ADPRS: variants seen among roughly 807,000 people sequenced by gnomAD.
ADPRS encodes the protein ADP-ribosylhydrolase ARH3.
A neutral mutation model predicts 32.1 loss-of-function variants in ADPRS; 25 were observed. That is an observed-to-expected ratio of 0.78 (90% CI 0.57 to 1.09). ADPRS has a LOEUF of 1.09. Ranked by LOEUF, ADPRS falls within the 50% of genes least tolerant of loss-of-function variation. The probability of loss-of-function intolerance (pLI) is 0.00; values close to 1 mark genes in which losing one functional copy is unlikely to be tolerated. For missense variants in ADPRS, 482 were observed against 480.6 expected, an observed-to-expected ratio of 1.00 and a Z score of -0.03; for synonymous variants, 225 against 201.0, an observed-to-expected ratio of 1.12 and a Z score of -1.01.
chr1:36,089,325 C>T (rs996693292), intron 1 of ADPRS, among the ~76,000 whole-genome samples: 1 of 152,192 alleles, frequency 6.6e-6, no homozygotes, highest in South Asian at 2.1e-4. Context: ...ATCCCGTGCT[C>T]GGGGCGTGGC....
chr1:36,093,825 C>T lies in ADPRS; in HGVS notation c.*439C>T, dbSNP rs1463453552. On this transcript the variant is annotated 3_prime_UTR_variant, in exon 6 of 6. Transcript: ENST00000373178. ...GCAGCAGGTTGTGTGGATGAAGGGA[C>T]AGGCACTTGCATCCAGCTGATCTAG... is the stretch of plus-strand genomic sequence containing the variant. 1.2e-5 allele frequency: 2 copies of T among 168,096 alleles called. No homozygotes were observed. The highest frequency in any genetic ancestry group is 5.7e-5 in the Admixed American group (1 of 17,660). The allele number at this position is 168,096 out of a possible 1,614,324, so 10.4% of individuals were successfully genotyped here.
chr1:36,093,120 T>G lies in ADPRS; in HGVS notation c.826T>G (p.Ser276Ala). 2 of 1,614,066 alleles carry G rather than the reference T, an allele frequency of 1.2e-6. No homozygotes were observed. Among genetic ancestry groups the G allele is most frequent in the Non-Finnish European group, 1.7e-6 (2 of 1,179,978 alleles). ...ELGNGIAAFE[S>A]VPTAIYCFLR... is the part of the protein sequence containing the mutation. ...AGGGAATGGCATTGCTGCCTTTGAGTCGGTACCCACCGCCATCTACTGCTT... is the reference window on the plus strand; with the variant it reads ...AGGGAATGGCATTGCTGCCTTTGAGGCGGTACCCACCGCCATCTACTGCTT... Residue 276 changes from serine (S) to alanine (A), a missense_variant, in exon 6 of 6, where the codon TCG becomes GCG. Transcript: ENST00000373178.
At chr1:36,089,203 G>C (rs965644152) in intron 1 of ADPRS, 88 bp downstream of exon 1, 1 of 1,337,622 alleles carries the variant, frequency 7.5e-7, no homozygotes, top group African/African-American at 1.5e-5. Flanking sequence ...TCGGGGGTGC[G>C]CGGGGATGAG....
In ADPRS at chr1:36,091,343, G is replaced by A. The variant is rs1347682460; in HGVS notation, c.308+3G>A. 1.2e-6 allele frequency: 2 copies of A among 1,613,848 alleles called. No individual in the cohort carries two copies. Among genetic ancestry groups the A allele is most frequent in the Admixed American group, 1.7e-5 (1 of 59,982 alleles). The stretch of plus-strand genomic sequence containing the variant: ...GACGAGGTGGACATGGCTCACAGGT[G>A]AGGGGGATGGTCCTGGGCTGAGGCA... On this transcript the variant is annotated splice_donor_region_variant and intron_variant, in intron 2 of 5. Coordinates refer to ENST00000373178, the MANE Select transcript of ADPRS (RefSeq NM_017825.3).
chr1:36,092,271 C>T, intron 4 of ADPRS, 151 bp from the exon 5 acceptor site: 1 of 1,117,024 alleles, frequency 9.0e-7, no homozygotes, highest in African/African-American at 1.6e-5. Flanking sequence ...AAACGACCTG[C>T]TCACCCCAGC....
intron 1 of ADPRS, among the ~76,000 whole-genome samples, chr1:36,089,569 C>G (rs753029719): frequency 3.3e-4 from 50 of 152,142 alleles, no homozygotes; most frequent in Non-Finnish European, 6.0e-4. Flanking sequence ...ACCTCTTTTT[C>G]CCGGTTCTCT....
In ADPRS at chr1:36,091,267, A is replaced by C. The variant is rs1557733311; in HGVS notation, c.235A>C (p.Thr79Pro). Residue 79 changes from threonine to proline, a missense_variant, in exon 2 of 6, where the codon ACA (threonine) becomes CCA (proline). By Grantham distance (38) the Thr-to-Pro change is conservative. Coordinates refer to ENST00000373178, the MANE Select transcript of ADPRS (RefSeq NM_017825.3). ...AGAAGCCTTGTACTACACAGATGAC[A>C]CAGCCATGGCCAGGGCCCTGGTGCA... The part of the protein sequence containing the change: ...RTEALYYTDD[T>P]AMARALVQSL... 1 of 1,614,174 alleles carries C rather than the reference A, an allele frequency of 6.2e-7. No individual in the cohort carries two copies. Among genetic ancestry groups the C allele is most frequent in the Non-Finnish European group, 8.5e-7 (1 of 1,180,014 alleles).
At chr1:36,089,579 T>C (rs1643450458) in intron 1 of ADPRS, among the ~76,000 whole-genome samples, 1 of 152,180 alleles carries the variant, frequency 6.6e-6, no homozygotes, top group Non-Finnish European at 1.5e-5. Flanking sequence ...CCCGGTTCTC[T>C]AGAGTCAGTA....
chr1:36,089,165 G>A, intron 1 of ADPRS, 50 bp downstream of exon 1: 1 of 1,377,974 alleles, frequency 7.3e-7, no homozygotes. Flanking sequence ...GGAGGCCGAA[G>A]GGGCGCGGAG....
intron 1 of ADPRS, among the ~76,000 whole-genome samples, chr1:36,089,819 C>G (rs1048289040): frequency 2.0e-5 from 3 of 152,194 alleles, no homozygotes; most frequent in Admixed American, 6.5e-5. Flanking sequence ...TTCCTCTAGG[C>G]CAGGCGTTTG....
intron 1 of ADPRS, among the ~76,000 whole-genome samples, chr1:36,089,375 A>G (rs1643446967): frequency 6.6e-6 from 1 of 152,210 alleles, no homozygotes; most frequent in South Asian, 2.1e-4. Context: ...GGATAAACCC[A>G]TCGTAAGTTG....
At chr1:36,092,265 G>A (rs993188101) in intron 4 of ADPRS, among the ~76,000 whole-genome samples, 157 bp from the exon 5 acceptor site, 2 of 152,060 alleles carry the variant, frequency 1.3e-5, no homozygotes, top group African/African-American at 4.8e-5. Flanking sequence ...AGAACGAAAC[G>A]ACCTGCTCAC....
At chr1:36,090,157 C>T (rs3767703) in intron 1 of ADPRS, among the ~76,000 whole-genome samples, 10,564 of 152,136 alleles carry the variant, frequency 0.069, 532 homozygotes, top group East Asian at 0.21. Flanking sequence ...GATCTGGATC[C>T]AGAAACTATC....
At chr1:36,089,146 G>A (rs982418864) in intron 1 of ADPRS, 31 bp downstream of exon 1, 15 of 1,388,504 alleles carry the variant, frequency 1.1e-5, no homozygotes, top group African/African-American at 3.1e-5. Flanking sequence ...GTCAGAGGCC[G>A]TGCGGGAGGG....
chr1:36,092,650 G>T (rs920407810), intron 5 of ADPRS, 128 bp downstream of exon 5: 4 of 801,260 alleles, frequency 5.0e-6, no homozygotes, highest in East Asian at 2.6e-5. Context: ...GGAGTCAATG[G>T]CAGGGTTGAG....
chr1:36,093,607 C>T lies in ADPRS; in HGVS notation c.*221C>T, dbSNP rs111335009. 4.9e-5 allele frequency: 29 copies of T among 596,796 alleles called. 1 individual carries two copies. The highest frequency in any genetic ancestry group is 3.3e-4 in the African/African-American group (18 of 54,054). 37.0% of individuals were successfully genotyped at this position (596,796 alleles called of 1,614,324 possible). A position where few individuals can be genotyped will look rare whatever the true frequency, so the allele number is the denominator to read the frequency against. The stretch of plus-strand genomic sequence containing the variant: ...CTGGGTCTCTGGTTTGCTGCAGAGC[C>T]GTAGGACACTCCTGGCTCCTCAGTA... On this transcript the variant is annotated 3_prime_UTR_variant, in exon 6 of 6. Coordinates refer to ENST00000373178, the MANE Select transcript of ADPRS (RefSeq NM_017825.3).
In ADPRS at chr1:36,089,083, C is replaced by G. The variant is rs755103060; in HGVS notation, c.179C>G (p.Pro60Arg). 1.3e-5 allele frequency: 19 copies of G among 1,434,014 alleles called. No individual in the cohort carries two copies. In the African/African-American group the frequency reaches 1.8e-4, roughly 14 times the overall value. The allele number at this position is 1,434,014 out of a possible 1,614,324, so 88.8% of individuals were successfully genotyped here. A position where few individuals can be genotyped will look rare whatever the true frequency, so the allele number is the denominator to read the frequency against. The part of the protein sequence containing the change: ...SVLRHVQSLE[P>R]DPGTPGSERT... Reference sequence around the variant, plus strand: ...CTGCGTCATGTCCAGAGTCTGGAGCCGGACCCCGGCACGCCCGGGAGTGAG... The same window carrying G: ...CTGCGTCATGTCCAGAGTCTGGAGCGGGACCCCGGCACGCCCGGGAGTGAG... Residue 60 changes from proline to arginine, a missense_variant, in exon 1 of 6, where the codon CCG (proline) becomes CGG (arginine). By Grantham distance (103) the Pro-to-Arg change is moderately radical (BLOSUM62 -2). Transcript: ENST00000373178.
intron 1 of ADPRS, among the ~76,000 whole-genome samples, 187 bp from the exon 2 acceptor site, chr1:36,091,057 T>C (rs1024301176): frequency 6.6e-6 from 1 of 152,124 alleles, no homozygotes; most frequent in Non-Finnish European, 1.5e-5. Context: ...TAGTCCCAGC[T>C]ACTTGAGAGG....
intron 2 of ADPRS, 91 bp from the exon 3 acceptor site, chr1:36,091,527 T>A: frequency 7.3e-7 from 1 of 1,361,618 alleles, no homozygotes; most frequent in South Asian, 1.4e-5. Context: ...CCCGAGGCTT[T>A]CTCTTTTTCC....
Sources: allele counts gnomAD v4.1 joint callset (sites outside exome capture counted in the v4.1 genomes callset), GRCh38; gene constraint gnomAD v4.1.1; transcripts MANE v1.5; gene names NCBI Gene and HGNC (gene_info 2026-07-23, HGNC 2026-07-21).